Variants in DNAH14 observed in about 807,000 individuals in gnomAD.
DNAH14 encodes the protein dynein axonemal heavy chain 14.
Under a neutral mutation model 520.9 loss-of-function variants are expected in DNAH14, and 478 were observed. The ratio of observed to expected loss-of-function variants is 0.92; its 90% confidence interval spans 0.85 to 0.99. The LOEUF is 0.99. Ranked by LOEUF, DNAH14 falls within the 50% of genes least tolerant of loss-of-function variation. The pLI is 0.00. For synonymous variants in DNAH14, 1,581 were observed against 1,757.2 expected (o/e 0.90, Z 2.51); for missense variants, 4,831 against 5,234.5 (o/e 0.92, Z 2.38).
Position 225,333,268 on chromosome 1 carries a change from C to T in DNAH14, c.9865-23C>T, listed in dbSNP as rs559091699. On this transcript the variant is annotated intron_variant, in intron 65 of 85. Coordinates refer to ENST00000682510, the MANE Select transcript of DNAH14 (RefSeq NM_001367479.1). ...TGATAATATATTTTATATAGAATAA[C>T]TCATTTCTATTTTAACATTTAGACT... 1.8e-4 allele frequency: 263 copies of T among 1,497,576 alleles called. No homozygotes were observed. In the Middle Eastern group the frequency reaches 5.9e-3, roughly 34 times the overall value. The allele number at this position is 1,497,576 out of a possible 1,614,324, so 92.8% of individuals were successfully genotyped here. A position where few individuals can be genotyped will look rare whatever the true frequency, so the allele number is the denominator to read the frequency against.
chr1:225,047,329 G>A (rs2068054774), intron 15 of DNAH14, among the ~76,000 whole-genome samples: 1 of 152,014 alleles, frequency 6.6e-6, no homozygotes, highest in South Asian at 2.1e-4. Context: ...ATAGTTACTT[G>A]TTTGTTATAC....
At chr1:224,997,340 A>T (rs934171247) in intron 8 of DNAH14, among the ~76,000 whole-genome samples, 1 of 151,908 alleles carries the variant, frequency 6.6e-6, no homozygotes, top group Non-Finnish European at 1.5e-5. Flanking sequence ...GCCCTGGGAA[A>T]TTTTTTCTTT....
chr1:225,358,696 T>C lies in DNAH14; in HGVS notation c.11776+44T>C, dbSNP rs1271685648. 3.9e-6 allele frequency: 6 copies of C among 1,523,278 alleles called. No individual in the cohort carries two copies. The Admixed American group carries it at 6.7e-5, about 17-fold the overall frequency. The allele number at this position is 1,523,278 out of a possible 1,614,324, so 94.4% of individuals were successfully genotyped here. On this transcript the variant is annotated intron_variant, in intron 74 of 85. Coordinates refer to ENST00000682510, the MANE Select transcript of DNAH14 (RefSeq NM_001367479.1). ...GTTAAGATGATCGATATGGTTTGGCTCTGTGTCCCCACCCAAATCTTACCT... is the reference window on the plus strand; with the variant it reads ...GTTAAGATGATCGATATGGTTTGGCCCTGTGTCCCCACCCAAATCTTACCT...
At chr1:225,080,073 C>T (rs1439690115) in intron 18 of DNAH14, among the ~76,000 whole-genome samples, 2 of 152,252 alleles carry the variant, frequency 1.3e-5, no homozygotes, top group African/African-American at 2.4e-5. Flanking sequence ...TAATTTCTAA[C>T]TGGAACTTAG....
At chr1:225,393,309 T>C (rs1001078111) in intron 84 of DNAH14, among the ~76,000 whole-genome samples, 1 of 152,116 alleles carries the variant, frequency 6.6e-6, no homozygotes, top group East Asian at 1.9e-4. Flanking sequence ...TTCTGAGAAA[T>C]GCATCGTTAA....
At chr1:224,957,309 C>T (rs1392260663) in intron 3 of DNAH14, among the ~76,000 whole-genome samples, 1 of 152,012 alleles carries the variant, frequency 6.6e-6, no homozygotes, top group Non-Finnish European at 1.5e-5. Context: ...GAGGAAGGAT[C>T]ATGAGTTCAA....
At chr1:225,015,907 G>A (rs1365102390) in intron 10 of DNAH14, among the ~76,000 whole-genome samples, 1 of 152,136 alleles carries the variant, frequency 6.6e-6, no homozygotes, top group Non-Finnish European at 1.5e-5. Flanking sequence ...CAACAGCCTG[G>A]GTTCCAGAGT....
At chr1:225,105,766 G>C (rs998943398) in intron 23 of DNAH14, among the ~76,000 whole-genome samples, 26 of 151,734 alleles carry the variant, frequency 1.7e-4, no homozygotes, top group Non-Finnish European at 3.1e-4. Context: ...CCTTTATTTT[G>C]AGCCTATGTG....
chr1:225,109,764 G>C (rs1300090934), intron 23 of DNAH14, among the ~76,000 whole-genome samples: 1 of 152,028 alleles, frequency 6.6e-6, no homozygotes, highest in Non-Finnish European at 1.5e-5. Flanking sequence ...GGGGAAACTG[G>C]GCACCCTTGG....
At chr1:225,050,169 T>G (rs2068404260) in intron 15 of DNAH14, 41 bp from the exon 16 acceptor site, 3 of 1,485,986 alleles carry the variant, frequency 2.0e-6, no homozygotes, top group South Asian at 2.8e-5. Flanking sequence ...TTGCTTTCAA[T>G]GGCATTTCTG....
intron 49 of DNAH14, among the ~76,000 whole-genome samples, chr1:225,266,975 A>G (rs2093139384): frequency 6.6e-6 from 1 of 152,196 alleles, no homozygotes; most frequent in African/African-American, 2.4e-5. Flanking sequence ...CCTACTTTTA[A>G]TAGGTTTAAA....
In DNAH14 at chr1:225,082,630, T is replaced by C. The variant is rs866707275; in HGVS notation, c.3218T>C (p.Leu1073Pro). The C allele has an allele frequency of 7.7e-6, 12 of 1,551,530 alleles. No individual in the cohort carries two copies. In the African/African-American group the frequency reaches 1.6e-4, roughly 21 times the overall value. ...FKQELPIIIA[L>P]GNPCLKPRHW... ...CAAGAGCTGCCTATCATTATAGCTC[T>C]GGGAAATCCCTGTCTCAAGCCAAGG... Residue 1073 changes from leucine to proline, a missense_variant, in exon 20 of 86, where the codon CTG becomes CCG. Physicochemically the swap from Leu to Pro is moderately conservative, Grantham distance 98 (BLOSUM62 -3). Transcript: ENST00000682510.
Position 225,269,060 on chromosome 1 carries a change from G to A in DNAH14, c.7540-1675G>A, listed in dbSNP as rs565067616. ...AAAAGAACAAAGCTGGAGGCATCAC[G>A]CTACCTGACTTCAAACTATACTACA... is the stretch of plus-strand genomic sequence containing the variant. On this transcript the variant is annotated intron_variant, in intron 49 of 85. Coordinates refer to ENST00000682510, the MANE Select transcript of DNAH14 (RefSeq NM_001367479.1). Among the ~76,000 whole-genome samples, 242 of 152,170 alleles carry A rather than the reference G, an allele frequency of 1.6e-3. 3 individuals are homozygous for A. Among genetic ancestry groups the A allele is most frequent in the African/African-American group, 5.5e-3 (227 of 41,510 alleles).
intron 17 of DNAH14, among the ~76,000 whole-genome samples, chr1:225,054,783 T>C (rs2148341777): frequency 6.6e-6 from 1 of 152,292 alleles, no homozygotes. Flanking sequence ...CTTCTGTTTC[T>C]TTTGTGTATG....
chr1:225,192,654 C>A, intron 37 of DNAH14, 42 bp from the exon 38 acceptor site: 1 of 1,354,306 alleles, frequency 7.4e-7, no homozygotes, highest in South Asian at 1.3e-5. Flanking sequence ...AATAATTGGT[C>A]TATAGTTAAT....
intron 36 of DNAH14, among the ~76,000 whole-genome samples, chr1:225,175,146 G>C (rs1380826161): frequency 6.6e-6 from 1 of 151,836 alleles, no homozygotes. Context: ...CTTTTTTGTT[G>C]TGTTCTTATC....
chr1:224,956,564 C>G (rs2060527493), intron 3 of DNAH14, among the ~76,000 whole-genome samples: 1 of 152,056 alleles, frequency 6.6e-6, no homozygotes, highest in Non-Finnish European at 1.5e-5. Context: ...TGTAAGTGCA[C>G]TCTTAGATGT....
At chr1:225,132,821 T>A (rs961942924) in intron 27 of DNAH14, among the ~76,000 whole-genome samples, 1 of 152,172 alleles carries the variant, frequency 6.6e-6, no homozygotes, top group Non-Finnish European at 1.5e-5. Flanking sequence ...TTAAACTGAT[T>A]TACACTCCCA....
chr1:225,123,345 G>A (rs1237719276), intron 26 of DNAH14, among the ~76,000 whole-genome samples, 182 bp from the exon 27 acceptor site: 1 of 152,136 alleles, frequency 6.6e-6, no homozygotes, highest in Admixed American at 6.5e-5. Flanking sequence ...AGGAATTTAA[G>A]GAGTATGCAT....
Sources: allele counts gnomAD v4.1 joint callset (sites outside exome capture counted in the v4.1 genomes callset), GRCh38; gene constraint gnomAD v4.1.1; transcripts MANE v1.5; gene names NCBI Gene and HGNC (gene_info 2026-07-23, HGNC 2026-07-21).